LARS2: variants seen among roughly 807,000 people sequenced by gnomAD.
The protein encoded by LARS2 is leucyl-tRNA synthetase 2, mitochondrial, also known as leucine--tRNA ligase, mitochondrial.
Under a neutral mutation model 116.6 loss-of-function variants are expected in LARS2, and 81 were observed. That is an observed-to-expected ratio of 0.69 (90% CI 0.58 to 0.84). The LOEUF is 0.84. Ranked by LOEUF, LARS2 falls within the 40% of genes least tolerant of loss-of-function variation. The pLI is 0.00. For synonymous variants in LARS2, 396 were observed against 407.2 expected, an observed-to-expected ratio of 0.97 and a Z score of 0.33; for missense variants, 968 against 1,114.5, an observed-to-expected ratio of 0.87 and a Z score of 1.87.
At chr3:45,537,605 G>A (rs114191616) in intron 20 of LARS2, among the ~76,000 whole-genome samples, 215 of 151,916 alleles carry the variant, frequency 1.4e-3, no homozygotes, top group African/African-American at 5.0e-3. Context: ...AAAGGATAAA[G>A]CAAAGTGGCC....
intron 15 of LARS2, among the ~76,000 whole-genome samples, chr3:45,512,765 ACTGC>A (rs1243190991): frequency 6.6e-6 from 1 of 152,216 alleles, no homozygotes; most frequent in African/African-American, 2.4e-5. Flanking sequence ...ATTAATAAGA[ACTGC>A]CTCCTGAAAG....
intron 15 of LARS2, among the ~76,000 whole-genome samples, chr3:45,505,705 G>T (rs1205990116): frequency 6.6e-6 from 1 of 151,876 alleles, no homozygotes; most frequent in Non-Finnish European, 1.5e-5. Context: ...AAAGTTGGGG[G>T]AATAGCTCCT....
chr3:45,468,763 G>A (rs1048600756), intron 8 of LARS2, among the ~76,000 whole-genome samples: 10 of 152,296 alleles, frequency 6.6e-5, no homozygotes, highest in African/African-American at 2.4e-4. Context: ...TAGTCAAATT[G>A]GCTGCTGCCA....
chr3:45,526,035 T>A (rs76848912), intron 20 of LARS2, among the ~76,000 whole-genome samples: 2,300 of 152,238 alleles, frequency 0.015, 19 homozygotes, highest in Non-Finnish European at 0.022. Context: ...AAGGACTTCA[T>A]GAGTTGAGCA....
chr3:45,446,831 A>G, intron 6 of LARS2, 60 bp from the exon 7 acceptor site: 1 of 954,438 alleles, frequency 1.0e-6, no homozygotes, highest in East Asian at 2.5e-5. Flanking sequence ...AAGACTGAGC[A>G]TGCATGGCTG....
chr3:45,474,246 A>G lies in LARS2; in HGVS notation c.754A>G (p.Met252Val). The part of the protein sequence containing the change: ...FIKTTAYAKA[M>V]QDALADLPEW... ...TGTTCTCCTTTCATTTGCACAGGCC[A>G]TGCAGGACGCGTTGGCAGACCTTCC... is the stretch of plus-strand genomic sequence containing the variant. The change falls in exon 9 of 22, where the codon ATG becomes GTG. Residue 252 changes from methionine (M) to valine (V), a missense_variant. By Grantham distance (21) the Met-to-Val change is conservative (BLOSUM62 1). Coordinates refer to ENST00000645846, the MANE Select transcript of LARS2 (RefSeq NM_015340.4). The G allele has an allele frequency of 4.4e-6, 7 of 1,605,168 alleles. No homozygotes were observed. The highest frequency in any genetic ancestry group is 6.0e-6 in the Non-Finnish European group (7 of 1,173,018).
chr3:45,495,280 CT>C (rs1421892615), intron 13 of LARS2: 1 of 152,188 alleles, frequency 6.6e-6, no homozygotes, highest in East Asian at 1.9e-4. Flanking sequence ...ATGTAATTAG[CT>C]TTGGAGGGGG....
At chr3:45,509,498 AC>A (rs1700251237) in intron 15 of LARS2, 1 of 152,176 alleles carries the variant, frequency 6.6e-6, no homozygotes, top group South Asian at 2.1e-4. Flanking sequence ...CACATTTGGT[AC>A]GTCTTTCTTG....
intron 16 of LARS2, among the ~76,000 whole-genome samples, chr3:45,514,677 C>G (rs1330475351): frequency 6.6e-6 from 1 of 152,224 alleles, no homozygotes; most frequent in African/African-American, 2.4e-5. Context: ...GCAGCCGTTT[C>G]TCAAGCCATA....
intron 6 of LARS2, among the ~76,000 whole-genome samples, chr3:45,439,864 G>C (rs1332881496): frequency 6.6e-6 from 1 of 152,156 alleles, no homozygotes; most frequent in Non-Finnish European, 1.5e-5. Flanking sequence ...CATAAAGGCA[G>C]GACAGGACCC....
chr3:45,468,804 T>A (rs1699475789), intron 8 of LARS2, among the ~76,000 whole-genome samples: 1 of 152,210 alleles, frequency 6.6e-6, no homozygotes, highest in Non-Finnish European at 1.5e-5. Flanking sequence ...TGCATCCTTT[T>A]CCACAGATCA....
intron 4 of LARS2, among the ~76,000 whole-genome samples, chr3:45,411,088 C>T (rs566034356): frequency 2.0e-5 from 3 of 152,300 alleles, no homozygotes; most frequent in Admixed American, 1.3e-4. Flanking sequence ...CTGCGGGGAT[C>T]TAACTCACAG....
intron 20 of LARS2, chr3:45,538,462 C>T (rs987906504): frequency 1.3e-5 from 2 of 152,200 alleles, no homozygotes; most frequent in Admixed American, 6.5e-5. Context: ...CTGTGACCTC[C>T]GTCTCATATT....
intron 16 of LARS2, 75 bp from the exon 17 acceptor site, chr3:45,516,019 T>C: frequency 8.3e-7 from 1 of 1,211,516 alleles, no homozygotes; most frequent in Non-Finnish European, 1.2e-6. Context: ...ACCCAGTTTT[T>C]ACTTATTGAT....
intron 10 of LARS2, 108 bp downstream of exon 10, chr3:45,476,735 T>C: frequency 8.9e-7 from 1 of 1,129,056 alleles, no homozygotes; most frequent in African/African-American, 1.6e-5. Context: ...CGTGGGTTGT[T>C]CTTTGCCTTA....
chr3:45,496,556 T>C (rs1700014791), intron 14 of LARS2, among the ~76,000 whole-genome samples, 183 bp downstream of exon 14: 1 of 151,944 alleles, frequency 6.6e-6, no homozygotes, highest in African/African-American at 2.4e-5. Context: ...GTGACAGGTG[T>C]GAAAGGAGAA....
At chr3:45,396,606 A>C (rs1222088411) in intron 3 of LARS2, among the ~76,000 whole-genome samples, 1 of 152,222 alleles carries the variant, frequency 6.6e-6, no homozygotes, top group Non-Finnish European at 1.5e-5. Flanking sequence ...TTTGAAATGG[A>C]ATGTCTTGAA....
Position 45,465,336 on chromosome 3 carries a change from A to G in LARS2, c.750+6450A>G, listed in dbSNP as rs536601091. ...TCTCTGCTTTTCTATCCTCCATCCT[A>G]TGCTCTCAGCCCTCCTCAGCATGAT... On this transcript the variant is annotated intron_variant, in intron 8 of 21. Transcript: ENST00000645846. Among the ~76,000 whole-genome samples, 42 of 152,092 alleles carry G rather than the reference A, an allele frequency of 2.8e-4. 1 individual carries two copies. Among genetic ancestry groups the G allele is most frequent in the East Asian group, 9.7e-4 (5 of 5,156 alleles).
At chr3:45,481,788 T>C (rs905337269) in intron 10 of LARS2, among the ~76,000 whole-genome samples, 4 of 152,194 alleles carry the variant, frequency 2.6e-5, no homozygotes, top group Non-Finnish European at 2.9e-5. Flanking sequence ...ACTAAGTTGT[T>C]CTCAACTTCT....
Sources: allele counts gnomAD v4.1 joint callset (sites outside exome capture counted in the v4.1 genomes callset), GRCh38; gene constraint gnomAD v4.1.1; transcripts MANE v1.5; gene names NCBI Gene and HGNC (gene_info 2026-07-23, HGNC 2026-07-21).